Variants in MAP6 observed in about 807,000 individuals in gnomAD.
MAP6 encodes the protein microtubule associated protein 6.
Under a neutral mutation model 42.4 loss-of-function variants are expected in MAP6, and 26 were observed. That is an observed-to-expected ratio of 0.61 (90% CI 0.45 to 0.85). MAP6 has a LOEUF of 0.85. MAP6 is among the 40% of genes least tolerant of loss of function. MAP6 has a pLI of 0.00. For synonymous variants in MAP6, 418 were observed against 443.8 expected, an observed-to-expected ratio of 0.94 and a Z score of 0.73; for missense variants, 966 against 1,099.0, an observed-to-expected ratio of 0.88 and a Z score of 1.71.
chr11:75,636,807 A>G (rs1232346162), intron 1 of MAP6, among the ~76,000 whole-genome samples: 3 of 152,200 alleles, frequency 2.0e-5, no homozygotes, highest in African/African-American at 7.2e-5. Context: ...ACTTCCTGCA[A>G]AAATCACAAA....
chr11:75,604,204 T>C (rs1226807030), intron 3 of MAP6: 1 of 985,752 alleles, frequency 1.0e-6, no homozygotes, highest in Admixed American at 6.1e-5. Flanking sequence ...CTGTTAATAA[T>C]TATGGCTCAT....
At chr11:75,659,524 T>G (rs773261668) in intron 1 of MAP6, among the ~76,000 whole-genome samples, 16 of 152,216 alleles carry the variant, frequency 1.1e-4, no homozygotes, top group Non-Finnish European at 1.8e-4. Context: ...GAAGAGTGAC[T>G]GCAAAGATTT....
chr11:75,617,687 A>G (rs1943023664), intron 1 of MAP6, among the ~76,000 whole-genome samples: 1 of 152,034 alleles, frequency 6.6e-6, no homozygotes, highest in Non-Finnish European at 1.5e-5. Flanking sequence ...GGGGAGTGTG[A>G]GAGTTAAGAC....
At chr11:75,600,130 A>T (rs1942641139) in intron 3 of MAP6, among the ~76,000 whole-genome samples, 1 of 152,220 alleles carries the variant, frequency 6.6e-6, no homozygotes, top group African/African-American at 2.4e-5. Context: ...AGTACTTTCA[A>T]GTACTCTAAA....
intron 1 of MAP6, among the ~76,000 whole-genome samples, chr11:75,625,899 G>A (rs1277344995): frequency 2.0e-5 from 3 of 152,268 alleles, no homozygotes; most frequent in Middle Eastern, 3.4e-3. Context: ...GCCAGACCAC[G>A]GGTCCAGTCC....
At chr11:75,632,968 TTTG>T (rs1403077726) in intron 1 of MAP6, among the ~76,000 whole-genome samples, 2 of 152,158 alleles carry the variant, frequency 1.3e-5, no homozygotes, top group African/African-American at 4.8e-5. Flanking sequence ...CTGGTCCAGT[TTTG>T]TTGTTGTTGC....
At chr11:75,614,206 C>T (rs184581493) in intron 1 of MAP6, among the ~76,000 whole-genome samples, 156 of 152,300 alleles carry the variant, frequency 1.0e-3, no homozygotes, top group African/African-American at 3.6e-3. Context: ...ATCATGTCTA[C>T]GACAGGGATG....
At chr11:75,612,500 A>G (rs957098887) in intron 1 of MAP6, among the ~76,000 whole-genome samples, 5 of 152,198 alleles carry the variant, frequency 3.3e-5, no homozygotes, top group African/African-American at 1.2e-4. Context: ...TGTCAACAGA[A>G]AAGCGGATGA....
rs566202834 is a variant in MAP6, at chr11:75,600,215, T to G, written c.1316+5593A>C. 2.0e-5 allele frequency among the ~76,000 whole-genome samples: 3 copies of G among 152,254 alleles called. No homozygotes were observed. In the South Asian group the frequency reaches 6.2e-4, roughly 32 times the overall value. On this transcript the variant is annotated intron_variant, in intron 3 of 3. Transcript: ENST00000304771. ...CTACAGCCCTCATGTCATTTCATCC[T>G]CATTCTGCTCCTCTGAGGGGGGGTA...
intron 3 of MAP6, among the ~76,000 whole-genome samples, chr11:75,588,403 C>CT: frequency 6.6e-6 from 1 of 152,214 alleles, no homozygotes; most frequent in Non-Finnish European, 1.5e-5. Flanking sequence ...ATTCAATGTG[C>CT]TTGCCAATTG....
At chr11:75,661,104 G>A (rs541162376) in intron 1 of MAP6, among the ~76,000 whole-genome samples, 37 of 152,020 alleles carry the variant, frequency 2.4e-4, no homozygotes, top group African/African-American at 8.9e-4. Context: ...TATAAAATTA[G>A]AAGAAATGTA....
intron 3 of MAP6, among the ~76,000 whole-genome samples, chr11:75,591,871 C>T (rs901943463): frequency 1.3e-5 from 2 of 152,300 alleles, no homozygotes; most frequent in Middle Eastern, 3.4e-3. Context: ...GGGATTATTA[C>T]AACAGAAAAT....
intron 1 of MAP6, among the ~76,000 whole-genome samples, chr11:75,624,248 G>A (rs1293321549): frequency 6.6e-5 from 10 of 152,214 alleles, no homozygotes; most frequent in African/African-American, 2.4e-4. Flanking sequence ...TCAGAAATGG[G>A]ATGTGGAATT....
chr11:75,597,936 T>C lies in MAP6; in HGVS notation c.1316+7872A>G, dbSNP rs532174456. 1.7e-3 allele frequency among the ~76,000 whole-genome samples: 255 copies of C among 152,310 alleles called. 1 individual carries two copies. Among genetic ancestry groups the C allele is most frequent in the African/African-American group, 4.8e-3 (198 of 41,568 alleles). The stretch of plus-strand genomic sequence containing the variant: ...CAGGGGCAGTAATTAACTGGGAAGC[T>C]GTGGTCAGCAAAACTACCCATAACA... On this transcript the variant is annotated intron_variant, in intron 3 of 3. Coordinates refer to ENST00000304771, the MANE Select transcript of MAP6 (RefSeq NM_033063.2).
At chr11:75,641,661 G>A (rs1197007244) in intron 1 of MAP6, among the ~76,000 whole-genome samples, 1 of 152,130 alleles carries the variant, frequency 6.6e-6, no homozygotes, top group Non-Finnish European at 1.5e-5. Flanking sequence ...TGCTGATGAG[G>A]GTCTGGCTAA....
chr11:75,668,497 G>A lies in MAP6; in HGVS notation c.-128C>T, dbSNP rs1944005685. The A allele has an allele frequency of 2.2e-6, 3 of 1,342,906 alleles. No individual in the cohort carries two copies. The South Asian group carries it at 5.6e-5, about 25-fold the overall frequency. The allele number at this position is 1,342,906 out of a possible 1,614,324, so 83.2% of individuals were successfully genotyped here. On this transcript the variant is annotated 5_prime_UTR_variant, in exon 1 of 4. Coordinates refer to ENST00000304771, the MANE Select transcript of MAP6 (RefSeq NM_033063.2). ...CACCGTTTTCTACCCCCGATCAGCCGGAGCTAGTTCGCCCTCCTCCCTCAG... is the reference window on the plus strand; with the variant it reads ...CACCGTTTTCTACCCCCGATCAGCCAGAGCTAGTTCGCCCTCCTCCCTCAG...
intron 1 of MAP6, among the ~76,000 whole-genome samples, chr11:75,632,053 T>C (rs1197312352): frequency 1.3e-5 from 2 of 152,332 alleles, no homozygotes; most frequent in Non-Finnish European, 2.9e-5. Flanking sequence ...TTTGATTCCT[T>C]TCATATTCAT....
intron 1 of MAP6, among the ~76,000 whole-genome samples, chr11:75,633,295 C>T (rs1274526319): frequency 1.3e-5 from 2 of 152,102 alleles, no homozygotes; most frequent in Non-Finnish European, 2.9e-5. Context: ...TAGGCTAATC[C>T]TCATATAACT....
At chr11:75,604,481 C>T (rs1219049361) in intron 3 of MAP6, 9 of 985,110 alleles carry the variant, frequency 9.1e-6, no homozygotes, top group African/African-American at 5.2e-5. Context: ...GTCAGAATGC[C>T]GGGGACAAGA....
Sources: gnomAD v4.1 joint callset for allele counts (sites outside exome capture counted in the v4.1 genomes callset) on GRCh38, gnomAD v4.1.1 for gene constraint, MANE v1.5 for transcripts, NCBI Gene and HGNC (gene_info 2026-07-23, HGNC 2026-07-21) for gene names.